The following PTPRD variants were observed in gnomAD, a reference collection of about 807,000 sequenced individuals.
PTPRD encodes the protein protein tyrosine phosphatase receptor type D.
In PTPRD, 34 loss-of-function variants were observed where a neutral mutation model predicts 214.5. The observed-to-expected ratio is 0.16, with a 90% confidence interval of 0.12 to 0.21. The LOEUF is 0.21. Ranked by LOEUF, PTPRD falls within the 10% of genes least tolerant of loss-of-function variation. The pLI is 1.00. For synonymous variants in PTPRD, 1,128 were observed against 845.7 expected, an observed-to-expected ratio of 1.33 and a Z score of -5.79; for missense variants, 2,545 against 2,398.7, an observed-to-expected ratio of 1.06 and a Z score of -1.27.
intron 30 of PTPRD, among the ~76,000 whole-genome samples, chr9:8,473,011 G>C (rs1049853991): frequency 1.3e-5 from 2 of 152,180 alleles, no homozygotes; most frequent in Non-Finnish European, 2.9e-5. Flanking sequence ...GCAGTAAACA[G>C]ATACCAGCTG....
chr9:9,075,926 A>T (rs1230760942), intron 10 of PTPRD, among the ~76,000 whole-genome samples: 1 of 152,198 alleles, frequency 6.6e-6, no homozygotes, highest in Non-Finnish European at 1.5e-5. Flanking sequence ...GTATATACCC[A>T]GTAATGGGAT....
chr9:9,261,531 C>T (rs768299616), intron 9 of PTPRD, among the ~76,000 whole-genome samples: 4 of 151,690 alleles, frequency 2.6e-5, no homozygotes, highest in Non-Finnish European at 4.4e-5. Flanking sequence ...AGAAGGATGG[C>T]ATAAATGATT....
chr9:10,266,905 AG>A (rs1213545805), intron 3 of PTPRD, among the ~76,000 whole-genome samples: 4 of 152,004 alleles, frequency 2.6e-5, no homozygotes, highest in South Asian at 4.2e-4. Flanking sequence ...AAAAGTAGTC[AG>A]GGGGTTGGGC....
chr9:10,250,740 A>G (rs2092689702), intron 3 of PTPRD, among the ~76,000 whole-genome samples: 1 of 152,068 alleles, frequency 6.6e-6, no homozygotes. Context: ...ATGCTCCAAG[A>G]AGCACAAAGG....
intron 11 of PTPRD, among the ~76,000 whole-genome samples, chr9:8,940,081 A>G (rs1316348978): frequency 6.6e-6 from 1 of 151,192 alleles, no homozygotes; most frequent in Non-Finnish European, 1.5e-5. Context: ...AAAAAAAAGA[A>G]GACTTACATG....
intron 39 of PTPRD, among the ~76,000 whole-genome samples, chr9:8,374,322 G>C (rs533703280): frequency 1.7e-4 from 26 of 151,748 alleles, no homozygotes; most frequent in Non-Finnish European, 3.5e-4. Context: ...ATATAATCAG[G>C]TACATTGGCT....
At chr9:10,315,929 T>C (rs1388435457) in intron 3 of PTPRD, among the ~76,000 whole-genome samples, 1 of 151,880 alleles carries the variant, frequency 6.6e-6, no homozygotes, top group African/African-American at 2.4e-5. Flanking sequence ...ATAATGATTT[T>C]CTCTAGGTTT....
chr9:10,001,762 C>T (rs990337963), intron 4 of PTPRD, among the ~76,000 whole-genome samples: 3 of 152,048 alleles, frequency 2.0e-5, no homozygotes, highest in Non-Finnish European at 4.4e-5. Context: ...GAATTCGTCA[C>T]TAGTACAGCT....
At chr9:9,014,862 T>C (rs1373813481) in intron 11 of PTPRD, among the ~76,000 whole-genome samples, 2 of 152,142 alleles carry the variant, frequency 1.3e-5, no homozygotes, top group African/African-American at 2.4e-5. Flanking sequence ...TTTTCAACAT[T>C]ATTTATTCTA....
At chr9:9,177,546 T>G (rs1415874454) in intron 10 of PTPRD, among the ~76,000 whole-genome samples, 1 of 152,152 alleles carries the variant, frequency 6.6e-6, no homozygotes, top group East Asian at 1.9e-4. Flanking sequence ...ATTTGTTTTT[T>G]GTCATTATGA....
At chr9:9,957,047 T>G (rs1214991966) in intron 4 of PTPRD, among the ~76,000 whole-genome samples, 1 of 152,178 alleles carries the variant, frequency 6.6e-6, no homozygotes, top group Non-Finnish European at 1.5e-5. Flanking sequence ...GAGAACTCCA[T>G]GTATAGCTGA....
chr9:8,546,281 C>T (rs750544154), intron 14 of PTPRD, among the ~76,000 whole-genome samples: 1 of 152,142 alleles, frequency 6.6e-6, no homozygotes, highest in Non-Finnish European at 1.5e-5. Flanking sequence ...CTCTCATCTG[C>T]TGGAGAACAG....
chr9:9,738,431 C>G (rs939014828), intron 6 of PTPRD, among the ~76,000 whole-genome samples: 1 of 130,748 alleles, frequency 7.6e-6, no homozygotes, highest in Admixed American at 7.7e-5. Context: ...AAATTCTTCA[C>G]TCACTCACTT....
At chr9:9,555,045 T>G (rs114768374) in intron 8 of PTPRD, among the ~76,000 whole-genome samples, 1,691 of 152,154 alleles carry the variant, frequency 0.011, 23 homozygotes, top group African/African-American at 0.038. Context: ...TTAGAAAATT[T>G]AGACTCAGTT....
At chr9:10,238,900 G>T (rs955382374) in intron 3 of PTPRD, among the ~76,000 whole-genome samples, 1 of 151,904 alleles carries the variant, frequency 6.6e-6, no homozygotes. Context: ...AAACCTGGGA[G>T]GCAGTATGTT....
Position 9,354,352 on chromosome 9 carries a change from T to C in PTPRD, c.-203+43097A>G, listed in dbSNP as rs1433464042. Among the ~76,000 whole-genome samples the C allele has an allele frequency of 2.0e-5, 3 of 151,840 alleles. No individual in the cohort carries two copies. In the Admixed American group the frequency reaches 2.0e-4, roughly 10 times the overall value. On this transcript the variant is annotated intron_variant, in intron 9 of 45. Coordinates refer to ENST00000381196, the MANE Select transcript of PTPRD (RefSeq NM_002839.4). ...AATAAAATTTTCTTACTAAAATACA[T>C]CTCAGTTCAAAGGAAGATTTTATAC...
chr9:9,365,788 T>A (rs556709199), intron 9 of PTPRD, among the ~76,000 whole-genome samples: 1 of 151,560 alleles, frequency 6.6e-6, no homozygotes, highest in East Asian at 1.9e-4. Context: ...CAAACAGACA[T>A]TTTTCACAAC....
At chr9:10,476,617 T>C (rs2099064201) in intron 2 of PTPRD, among the ~76,000 whole-genome samples, 1 of 152,130 alleles carries the variant, frequency 6.6e-6, no homozygotes. Flanking sequence ...TTGACCTTCT[T>C]CACAGAGCTA....
At chr9:9,786,679 C>G (rs1746795) in intron 5 of PTPRD, among the ~76,000 whole-genome samples, 120,404 of 151,976 alleles carry the variant, frequency 0.79, 48,536 homozygotes, top group African/African-American at 0.93. Flanking sequence ...TGTAAATGAT[C>G]AGTTAATGGG....
Sources: gnomAD v4.1 joint callset for allele counts (sites outside exome capture counted in the v4.1 genomes callset) on GRCh38, gnomAD v4.1.1 for gene constraint, MANE v1.5 for transcripts, NCBI Gene and HGNC (gene_info 2026-07-23, HGNC 2026-07-21) for gene names.